Variants in EYA1 observed in about 807,000 individuals in gnomAD.
EYA1 encodes the protein EYA transcriptional coactivator and phosphatase 1.
EYA1 carries 16 observed loss-of-function variants against 82.0 expected under a neutral mutation model. The observed-to-expected ratio is 0.20, with a 90% confidence interval of 0.13 to 0.30. EYA1 has a LOEUF of 0.30. Ranked by LOEUF, EYA1 falls within the 10% of genes least tolerant of loss-of-function variation. EYA1 has a pLI of 1.00. For missense variants in EYA1, 633 were observed against 730.7 expected, an observed-to-expected ratio of 0.87 and a Z score of 1.54; for synonymous variants, 261 against 264.4, an observed-to-expected ratio of 0.99 and a Z score of 0.12.
At chr8:71,241,801 A>T (rs1563678600) in intron 12 of EYA1, among the ~76,000 whole-genome samples, 1 of 148,642 alleles carries the variant, frequency 6.7e-6, no homozygotes. Context: ...TAGGAGCATT[A>T]TGCCAATAGA....
intron 2 of EYA1, among the ~76,000 whole-genome samples, chr8:71,398,433 C>G (rs903549874): frequency 6.6e-6 from 1 of 152,178 alleles, no homozygotes; most frequent in Admixed American, 6.5e-5. Flanking sequence ...GTGGTTTTAT[C>G]TACCTTTGGT....
intron 2 of EYA1, among the ~76,000 whole-genome samples, chr8:71,468,230 A>G (rs185343184): frequency 1.3e-5 from 2 of 152,164 alleles, no homozygotes; most frequent in African/African-American, 4.8e-5. Context: ...TTAGGCAAAG[A>G]ATAACCCCAT....
intron 3 of EYA1, among the ~76,000 whole-genome samples, chr8:71,338,712 T>C (rs1012687837): frequency 6.6e-6 from 1 of 152,232 alleles, no homozygotes; most frequent in Non-Finnish European, 1.5e-5. Flanking sequence ...TGGGCTGTTT[T>C]AATAAAGCAA....
At chr8:71,488,749 G>A (rs977379111) in intron 2 of EYA1, among the ~76,000 whole-genome samples, 1 of 152,102 alleles carries the variant, frequency 6.6e-6, no homozygotes, top group Non-Finnish European at 1.5e-5. Context: ...TAAAACAACA[G>A]CAAAATAATA....
chr8:71,382,136 T>C (rs1828738101), intron 2 of EYA1, among the ~76,000 whole-genome samples: 1 of 152,270 alleles, frequency 6.6e-6, no homozygotes, highest in South Asian at 2.1e-4. Flanking sequence ...GACATTTTAG[T>C]AGAACCGCAG....
chr8:71,446,440 C>G (rs1806883300), intron 2 of EYA1, among the ~76,000 whole-genome samples: 1 of 152,096 alleles, frequency 6.6e-6, no homozygotes, highest in Non-Finnish European at 1.5e-5. Flanking sequence ...GCCCCCCAAG[C>G]CATGCAGAAC....
At chr8:71,381,466 G>A (rs868236382) in intron 2 of EYA1, among the ~76,000 whole-genome samples, 33 of 152,274 alleles carry the variant, frequency 2.2e-4, no homozygotes, top group Middle Eastern at 3.4e-3. Flanking sequence ...AAAGGAAAGA[G>A]GAGAATATAA....
At chr8:71,515,098 T>C (rs1812873880) in intron 2 of EYA1, among the ~76,000 whole-genome samples, 3 of 152,042 alleles carry the variant, frequency 2.0e-5, no homozygotes, top group Admixed American at 6.6e-5. Context: ...TTTTAGTGTA[T>C]GGTAAAAAAA....
intron 2 of EYA1, among the ~76,000 whole-genome samples, chr8:71,497,244 T>G (rs974359151): frequency 3.3e-5 from 5 of 152,212 alleles, no homozygotes; most frequent in African/African-American, 1.2e-4. Context: ...AATCTCATAA[T>G]GTTTTAAGAA....
chr8:71,451,269 A>G (rs994488670), intron 2 of EYA1, among the ~76,000 whole-genome samples: 1 of 152,250 alleles, frequency 6.6e-6, no homozygotes, highest in Admixed American at 6.5e-5. Flanking sequence ...AGCAATAAGT[A>G]TAGAAAAACA....
intron 2 of EYA1, among the ~76,000 whole-genome samples, chr8:71,504,764 C>T (rs545527739): frequency 3.3e-5 from 5 of 152,166 alleles, no homozygotes; most frequent in African/African-American, 1.2e-4. Flanking sequence ...ACACTTCTAC[C>T]TTCTTGAGAT....
intron 2 of EYA1, among the ~76,000 whole-genome samples, chr8:71,385,306 T>C (rs1393000779): frequency 6.6e-6 from 1 of 150,434 alleles, no homozygotes; most frequent in Non-Finnish European, 1.5e-5. Flanking sequence ...AGAGGGGGAG[T>C]GACCAAGTAG....
chr8:71,269,794 T>G lies in EYA1; in HGVS notation c.996A>C (p.Thr332=). The change falls in exon 11 of 18, where the codon ACA becomes ACC. Residue 332 remains threonine, a synonymous_variant. Coordinates refer to ENST00000340726, the MANE Select transcript of EYA1 (RefSeq NM_000503.6). The stretch of plus-strand genomic sequence containing the variant: ...TAAGCAAGGAGTGGAAAACAATGAT[T>G]GTCTCATCCAAGTCCCAGATGAACA... ...ERVFIWDLDE[T]IIVFHSLLTG... is the part of the protein sequence containing the mutation. 1 of 1,613,804 alleles carries G rather than the reference T, an allele frequency of 6.2e-7. No individual in the cohort carries two copies. Among genetic ancestry groups the G allele is most frequent in the Non-Finnish European group, 8.5e-7 (1 of 1,179,770 alleles).
intron 2 of EYA1, among the ~76,000 whole-genome samples, chr8:71,451,576 A>T (rs1807377424): frequency 6.6e-6 from 1 of 152,202 alleles, no homozygotes; most frequent in Non-Finnish European, 1.5e-5. Flanking sequence ...CTTATTTATT[A>T]TCCTCATAAT....
chr8:71,488,247 T>C (rs1306069088), intron 2 of EYA1, among the ~76,000 whole-genome samples: 1 of 151,956 alleles, frequency 6.6e-6, no homozygotes, highest in Non-Finnish European at 1.5e-5. Context: ...TACATCATGA[T>C]ATAAATATAT....
chr8:71,426,609 A>G (rs1353087363), intron 2 of EYA1, among the ~76,000 whole-genome samples: 4 of 152,242 alleles, frequency 2.6e-5, no homozygotes, highest in Non-Finnish European at 5.9e-5. Context: ...TGATGTCTTC[A>G]TGGGGTTTCT....
chr8:71,277,119 T>G lies in EYA1; in HGVS notation c.827-5222A>C, dbSNP rs1276925308. ...TGCTATTTCATGGCTTCACACATTT[T>G]TTTTTTTTTTTTTTTTTTTTTTTTT... On this transcript the variant is annotated intron_variant, in intron 9 of 17. Coordinates refer to ENST00000340726, the MANE Select transcript of EYA1 (RefSeq NM_000503.6). Among the ~76,000 whole-genome samples, 2 of 20,094 alleles carry G rather than the reference T, an allele frequency of 1.0e-4. 1 individual carries two copies. Among genetic ancestry groups the G allele is most frequent in the African/African-American group, 4.4e-4 (2 of 4,570 alleles). The allele number at this position is 20,094 out of a possible 152,430, so 13.2% of individuals were successfully genotyped here.
chr8:71,434,586 G>A (rs1805868970), intron 2 of EYA1, among the ~76,000 whole-genome samples: 1 of 152,064 alleles, frequency 6.6e-6, no homozygotes, highest in Admixed American at 6.6e-5. Context: ...AAGGAAACAA[G>A]GTCCTTCAAA....
At chr8:71,529,794 G>A (rs1814121385) in intron 2 of EYA1, 3 of 152,046 alleles carry the variant, frequency 2.0e-5, no homozygotes, top group African/African-American at 7.2e-5. Flanking sequence ...AAAGAGGACT[G>A]AATAAAATGT....
Sources: allele counts gnomAD v4.1 joint callset (sites outside exome capture counted in the v4.1 genomes callset), GRCh38; gene constraint gnomAD v4.1.1; transcripts MANE v1.5; gene names NCBI Gene and HGNC (gene_info 2026-07-23, HGNC 2026-07-21).